The following TPD52L1 variants were observed in gnomAD, a reference collection of about 807,000 sequenced individuals.
The protein encoded by TPD52L1 is tumor protein D53.
TPD52L1 carries 18 observed loss-of-function variants against 28.7 expected under a neutral mutation model. That is an observed-to-expected ratio of 0.63 (90% CI 0.43 to 0.93). The LOEUF (loss-of-function observed/expected upper bound fraction) is 0.93, where lower values mean the gene tolerates loss of function less well. TPD52L1 is among the 40% of genes least tolerant of loss of function. The pLI is 0.00. For synonymous variants in TPD52L1, 75 were observed against 88.8 expected (o/e 0.84, Z 0.88); for missense variants, 203 against 254.8 (o/e 0.80, Z 1.39).
intron 1 of TPD52L1, among the ~76,000 whole-genome samples, chr6:125,191,716 G>A (rs1012363588): frequency 6.6e-6 from 1 of 152,072 alleles, no homozygotes; most frequent in African/African-American, 2.4e-5. Context: ...GAGAGAGCTG[G>A]GAGTGAAGGA....
chr6:125,171,312 C>T (rs1275653837), intron 1 of TPD52L1, among the ~76,000 whole-genome samples: 2 of 152,170 alleles, frequency 1.3e-5, no homozygotes, highest in Non-Finnish European at 2.9e-5. Flanking sequence ...CCTATCAATG[C>T]TTGTGGCAGA....
intron 1 of TPD52L1, among the ~76,000 whole-genome samples, chr6:125,169,641 C>T (rs1459807895): frequency 2.0e-5 from 3 of 152,194 alleles, no homozygotes; most frequent in Non-Finnish European, 4.4e-5. Flanking sequence ...GGGACAGCTT[C>T]CTACCACCTC....
chr6:125,248,754 A>G (rs1255531592), intron 4 of TPD52L1, among the ~76,000 whole-genome samples: 1 of 152,192 alleles, frequency 6.6e-6, no homozygotes, highest in Non-Finnish European at 1.5e-5. Flanking sequence ...AAACTATTCT[A>G]GATTGCATAT....
chr6:125,220,414 T>G (rs1795157307), intron 2 of TPD52L1, among the ~76,000 whole-genome samples: 2 of 152,372 alleles, frequency 1.3e-5, no homozygotes, highest in South Asian at 2.1e-4. Context: ...ATCATTGTGC[T>G]GCTTAAGCAA....
At chr6:125,183,799 A>G (rs905847662) in intron 1 of TPD52L1, among the ~76,000 whole-genome samples, 2 of 152,248 alleles carry the variant, frequency 1.3e-5, no homozygotes, top group African/African-American at 4.8e-5. Context: ...CATGGTTGAC[A>G]CTGAAATGTT....
In TPD52L1 at chr6:125,259,610, C is replaced by T. The variant is rs535123609; in HGVS notation, c.486+2452C>T. ...CCATCTCCCAATGAGTCATGAGTAA[C>T]TACATCTCTTCCAACCATTTTGCAT... On this transcript the variant is annotated intron_variant, in intron 6 of 6. Transcript: ENST00000534000. Among the ~76,000 whole-genome samples the T allele has an allele frequency of 2.6e-5, 4 of 152,306 alleles. No individual in the cohort carries two copies. In the South Asian group the frequency reaches 8.3e-4, roughly 32 times the overall value.
At chr6:125,236,651 A>T (rs538017334) in intron 3 of TPD52L1, among the ~76,000 whole-genome samples, 6 of 152,366 alleles carry the variant, frequency 3.9e-5, no homozygotes, top group African/African-American at 1.4e-4. Flanking sequence ...ACTAGTAGCC[A>T]GTCCCAACTT....
intron 3 of TPD52L1, among the ~76,000 whole-genome samples, chr6:125,245,914 T>G (rs966831311): frequency 2.0e-5 from 3 of 152,186 alleles, no homozygotes; most frequent in African/African-American, 7.2e-5. Context: ...GCTCCTGCCC[T>G]CATATCTGCA....
intron 1 of TPD52L1, among the ~76,000 whole-genome samples, chr6:125,195,146 T>C (rs1464821257): frequency 6.6e-6 from 1 of 152,218 alleles, no homozygotes; most frequent in South Asian, 2.1e-4. Context: ...ATAGTGGTTA[T>C]GGGTTTTCTG....
At chr6:125,230,003 C>T (rs992690353) in intron 3 of TPD52L1, among the ~76,000 whole-genome samples, 2 of 152,076 alleles carry the variant, frequency 1.3e-5, no homozygotes, top group Admixed American at 6.6e-5. Context: ...AGGGGAATTG[C>T]TTGAACCCAG....
intron 1 of TPD52L1, chr6:125,154,445 C>T (rs919445307): frequency 5.3e-5 from 52 of 987,028 alleles, no homozygotes; most frequent in Non-Finnish European, 6.0e-5. Flanking sequence ...CTCCGCAGCC[C>T]GGCTGCGCGA....
rs370921165 is a variant in TPD52L1 at position 125,209,669 on chromosome 6, C to T, written c.20-10409C>T. Among the ~76,000 whole-genome samples the T allele has an allele frequency of 2.4e-4, 37 of 152,286 alleles. 1 individual carries two copies. Among genetic ancestry groups the T allele is most frequent in the Admixed American group, 7.8e-4 (12 of 15,302 alleles). On this transcript the variant is annotated intron_variant, in intron 1 of 6. Transcript: ENST00000534000. ...AACAATGCCGCTGTGTTGAGGTGTGCTGGGGGCACTGTGTGGCCTGTTCAC... is the reference window on the plus strand; with the variant it reads ...AACAATGCCGCTGTGTTGAGGTGTGTTGGGGGCACTGTGTGGCCTGTTCAC...
At chr6:125,209,010 A>G in intron 1 of TPD52L1, 1 of 914,382 alleles carries the variant, frequency 1.1e-6, no homozygotes, top group Non-Finnish European at 1.3e-6. Context: ...TCAAAATCTT[A>G]TCTCTACCAT....
Position 125,261,025 on chromosome 6 carries a change from A to T in TPD52L1, c.487-1809A>T, listed in dbSNP as rs1476613301. 7.1e-4 allele frequency: 20 copies of T among 27,988 alleles called. 1 individual carries two copies. Among genetic ancestry groups the T allele is most frequent in the African/African-American group, 2.8e-3 (17 of 6,078 alleles). The allele number at this position is 27,988 out of a possible 1,614,324, so 1.7% of individuals were successfully genotyped here. ...AAGAAAGAAAGAAAGAAAGAAAAGA[A>T]AAGAAAGAAAGAAAGAAAGAAAGAA... On this transcript the variant is annotated intron_variant, in intron 6 of 6. Coordinates refer to ENST00000534000, the MANE Select transcript of TPD52L1 (RefSeq NM_003287.4).
chr6:125,181,869 C>A (rs1381116895), intron 1 of TPD52L1, among the ~76,000 whole-genome samples: 1 of 152,196 alleles, frequency 6.6e-6, no homozygotes, highest in Non-Finnish European at 1.5e-5. Flanking sequence ...AGATTCTGCA[C>A]TGACTCCACG....
intron 1 of TPD52L1, among the ~76,000 whole-genome samples, chr6:125,191,400 C>G (rs1793032464): frequency 6.6e-6 from 1 of 152,080 alleles, no homozygotes; most frequent in African/African-American, 2.4e-5. Flanking sequence ...CGTTTTTTTC[C>G]AGCTCCCATC....
At chr6:125,255,876 A>C (rs186929875) in intron 5 of TPD52L1, among the ~76,000 whole-genome samples, 4 of 152,150 alleles carry the variant, frequency 2.6e-5, no homozygotes, top group African/African-American at 4.8e-5. Flanking sequence ...CACTTAGTTC[A>C]GTTCCTGTTT....
At chr6:125,154,310 C>A in intron 1 of TPD52L1, 2 of 1,128,040 alleles carry the variant, frequency 1.8e-6, no homozygotes, top group Non-Finnish European at 2.2e-6. Flanking sequence ...GTCCGGAAAG[C>A]GTGTTTCGCT....
In TPD52L1 at chr6:125,167,289, C is replaced by T. The variant is rs577321629; in HGVS notation, c.19+13319C>T. Among the ~76,000 whole-genome samples, 3 of 152,108 alleles carry T rather than the reference C, an allele frequency of 2.0e-5. No homozygotes were observed. The South Asian group carries it at 6.2e-4, about 32-fold the overall frequency. The stretch of plus-strand genomic sequence containing the variant: ...AAAAACAAAAAAACACCTCTTATGG[C>T]AAAGTGGCATATTTTGGGGTGGAAA... On this transcript the variant is annotated intron_variant, in intron 1 of 6. Transcript: ENST00000534000.
Sources: gnomAD v4.1 joint callset for allele counts (sites outside exome capture counted in the v4.1 genomes callset) on GRCh38, gnomAD v4.1.1 for gene constraint, MANE v1.5 for transcripts, NCBI Gene and HGNC (gene_info 2026-07-23, HGNC 2026-07-21) for gene names.